Variants in SPOPL observed in about 807,000 individuals in gnomAD.
SPOPL encodes speckle type BTB/POZ protein like, also known as speckle-type POZ protein-like.
Under a neutral mutation model 53.8 loss-of-function variants are expected in SPOPL, and 23 were observed. That is an observed-to-expected ratio of 0.43 (90% CI 0.31 to 0.61). The LOEUF (loss-of-function observed/expected upper bound fraction) is 0.61, where lower values mean the gene tolerates loss of function less well. Among genes scored for constraint, SPOPL ranks in the 20% least tolerant of loss-of-function variants. The pLI is 0.12. For missense variants in SPOPL, 442 were observed against 466.9 expected (o/e 0.95, Z 0.49); for synonymous variants, 164 against 149.7 (o/e 1.10, Z -0.70).
chr2:138,524,900 G>C (rs1407731647), intron 1 of SPOPL, among the ~76,000 whole-genome samples: 1 of 151,880 alleles, frequency 6.6e-6, no homozygotes, highest in Non-Finnish European at 1.5e-5. Context: ...TCCAGTCTCT[G>C]CCTGTTACCC....
At chr2:138,537,062 G>A (rs750252286) in intron 1 of SPOPL, among the ~76,000 whole-genome samples, 1 of 152,104 alleles carries the variant, frequency 6.6e-6, no homozygotes, top group Non-Finnish European at 1.5e-5. Flanking sequence ...CCACCTTTCC[G>A]GCAGTGACAG....
At chr2:138,542,729 AT>A (rs1218157646) in intron 1 of SPOPL, among the ~76,000 whole-genome samples, 3 of 152,142 alleles carry the variant, frequency 2.0e-5, no homozygotes, top group African/African-American at 7.2e-5. Context: ...CATTTAGCCC[AT>A]TTACATTTAA....
intron 5 of SPOPL, among the ~76,000 whole-genome samples, chr2:138,558,171 AAT>A (rs1025241519): frequency 1.4e-4 from 22 of 152,186 alleles, no homozygotes; most frequent in Non-Finnish European, 7.4e-5. Flanking sequence ...AAAAATAAAA[AAT>A]AAATAAATAA....
At chr2:138,550,377 C>T in intron 2 of SPOPL, 83 bp downstream of exon 2, 1 of 1,588,158 alleles carries the variant, frequency 6.3e-7, no homozygotes, top group East Asian at 2.2e-5. Context: ...AACACTTTGC[C>T]ATAGTTATTA....
chr2:138,549,265 C>CTT (rs1239495570), intron 1 of SPOPL, among the ~76,000 whole-genome samples: 1 of 151,934 alleles, frequency 6.6e-6, no homozygotes, highest in Non-Finnish European at 1.5e-5. Context: ...TGAATTGACC[C>CTT]TTTTATCAAT....
At chr2:138,548,383 A>G (rs1355607941) in intron 1 of SPOPL, among the ~76,000 whole-genome samples, 1 of 151,920 alleles carries the variant, frequency 6.6e-6, no homozygotes, top group African/African-American at 2.4e-5. Context: ...AAATAACACC[A>G]TCTGCATTTT....
intron 7 of SPOPL, 147 bp downstream of exon 7, chr2:138,559,484 A>T: frequency 6.9e-6 from 5 of 725,564 alleles, no homozygotes; most frequent in Non-Finnish European, 1.1e-5. Flanking sequence ...TGTGTTCTAT[A>T]ATAGAACAAT....
At chr2:138,547,255 C>T (rs531374309) in intron 1 of SPOPL, among the ~76,000 whole-genome samples, 6 of 152,054 alleles carry the variant, frequency 3.9e-5, no homozygotes, top group Non-Finnish European at 7.4e-5. Context: ...CGTGAGCCAC[C>T]GTGCCTGACT....
intron 10 of SPOPL, 32 bp downstream of exon 10, chr2:138,565,025 GCTCTA>G (rs770673505): frequency 5.3e-5 from 85 of 1,612,794 alleles, no homozygotes; most frequent in Non-Finnish European, 7.6e-6. Flanking sequence ...ACTCAAAGTT[GCTCTA>G]CATAAGTGAG....
chr2:138,541,352 A>T, intron 1 of SPOPL, among the ~76,000 whole-genome samples: 1 of 152,072 alleles, frequency 6.6e-6, no homozygotes, highest in Non-Finnish European at 1.5e-5. Flanking sequence ...GGTAGAATTC[A>T]GCTGTGAATC....
chr2:138,561,418 C>G lies in SPOPL; in HGVS notation c.837+491C>G, dbSNP rs552615798. Among the ~76,000 whole-genome samples the G allele has an allele frequency of 7.9e-5, 12 of 151,904 alleles. No individual in the cohort carries two copies. The East Asian group carries it at 2.3e-3, about 29-fold the overall frequency. ...GATTTTTTTGAAGGTAGAGAAACTG[C>G]AAAAAACATCAGAAAAATCTCTAAG... On this transcript the variant is annotated intron_variant, in intron 8 of 10. Transcript: ENST00000280098.
At chr2:138,526,512 T>A (rs1013107531) in intron 1 of SPOPL, among the ~76,000 whole-genome samples, 2 of 152,154 alleles carry the variant, frequency 1.3e-5, no homozygotes, top group African/African-American at 4.8e-5. Context: ...TAGTATGTTT[T>A]ACAATACATA....
intron 10 of SPOPL, among the ~76,000 whole-genome samples, 192 bp from the exon 11 acceptor site, chr2:138,568,744 T>G (rs1685717717): frequency 6.6e-6 from 1 of 152,114 alleles, no homozygotes. Context: ...TCCAGAAAAA[T>G]TTAATAGTTT....
chr2:138,556,831 T>C (rs1449185793), intron 5 of SPOPL, among the ~76,000 whole-genome samples: 4 of 152,136 alleles, frequency 2.6e-5, no homozygotes, highest in African/African-American at 7.2e-5. Context: ...TTTTTAAAAA[T>C]ATCAGAAAAA....
At position 138,570,542 on chromosome 2, in the gene SPOPL, C is replaced by T. The variant is rs536020798; in HGVS notation, c.*1462C>T. The T allele has an allele frequency of 7.2e-5, 11 of 152,226 alleles. No homozygotes were observed. The highest frequency in any genetic ancestry group is 2.6e-4 in the African/African-American group (11 of 41,538). 9.4% of individuals were successfully genotyped at this position (152,226 alleles called of 1,614,324 possible). ...GTGTTGGGGTACCACATCTGACTTA[C>T]TGTGGTGGTGACCAGTGTGCTTCTT... On this transcript the variant is annotated 3_prime_UTR_variant, in exon 11 of 11. Coordinates refer to ENST00000280098, the MANE Select transcript of SPOPL (RefSeq NM_001001664.3).
intron 1 of SPOPL, among the ~76,000 whole-genome samples, chr2:138,523,643 T>C (rs541908130): frequency 6.6e-6 from 1 of 152,298 alleles, no homozygotes; most frequent in South Asian, 2.1e-4. Flanking sequence ...AATATAGCTG[T>C]TCCAAATGGG....
At chr2:138,555,035 C>T (rs1002014230) in intron 5 of SPOPL, among the ~76,000 whole-genome samples, 7 of 151,752 alleles carry the variant, frequency 4.6e-5, no homozygotes, top group African/African-American at 1.7e-4. Context: ...CTGGTGAGGT[C>T]CTTTTTCTCA....
At chr2:138,525,850 A>G (rs1684663941) in intron 1 of SPOPL, among the ~76,000 whole-genome samples, 1 of 151,798 alleles carries the variant, frequency 6.6e-6, no homozygotes, top group African/African-American at 2.4e-5. Context: ...AAAAAAAAAA[A>G]AGTTGTAATT....
At chr2:138,552,770 G>A (rs1360471409) in intron 5 of SPOPL, 89 bp downstream of exon 5, 1 of 1,393,026 alleles carries the variant, frequency 7.2e-7, no homozygotes, top group African/African-American at 1.5e-5. Context: ...TTAAAATTAA[G>A]TAATTGGTAT....
Sources: gnomAD v4.1 joint callset for allele counts (sites outside exome capture counted in the v4.1 genomes callset) on GRCh38, gnomAD v4.1.1 for gene constraint, MANE v1.5 for transcripts, NCBI Gene and HGNC (gene_info 2026-07-23, HGNC 2026-07-21) for gene names.